The following BCKDHB variants were observed in gnomAD, a reference collection of about 807,000 sequenced individuals.
The protein encoded by BCKDHB is 2-oxoisovalerate dehydrogenase subunit beta, mitochondrial.
A neutral mutation model predicts 48.5 loss-of-function variants in BCKDHB; 41 were observed. That is an observed-to-expected ratio of 0.85 (90% CI 0.66 to 1.10). The LOEUF (loss-of-function observed/expected upper bound fraction) is 1.10, where lower values mean the gene tolerates loss of function less well. Among genes scored for constraint, BCKDHB ranks in the 50% least tolerant of loss-of-function variants. BCKDHB has a pLI of 0.00. For missense variants in BCKDHB, 496 were observed against 494.2 expected, an observed-to-expected ratio of 1.00 and a Z score of -0.03; for synonymous variants, 201 against 174.8, an observed-to-expected ratio of 1.15 and a Z score of -1.18.
chr6:80,168,793 G>T, intron 4 of BCKDHB, 82 bp from the exon 5 acceptor site: 1 of 1,499,054 alleles, frequency 6.7e-7, no homozygotes, highest in Non-Finnish European at 9.3e-7. Flanking sequence ...AAGGAAGGAA[G>T]GGAGGGAGGG....
At chr6:80,133,923 G>A (rs778889887) in intron 3 of BCKDHB, among the ~76,000 whole-genome samples, 1 of 152,124 alleles carries the variant, frequency 6.6e-6, no homozygotes, top group Non-Finnish European at 1.5e-5. Flanking sequence ...GATTACAGGC[G>A]TGAGCCACTG....
the BCKDHB span, among the ~76,000 whole-genome samples, chr6:80,411,143 C>G: frequency 6.6e-6 from 1 of 151,956 alleles, no homozygotes; most frequent in African/African-American, 2.4e-5. Context: ...GTGGATGTCC[C>G]TTTTGTTGAT....
intron 8 of BCKDHB, among the ~76,000 whole-genome samples, chr6:80,251,396 A>G (rs903470164): frequency 2.6e-5 from 4 of 152,220 alleles, no homozygotes; most frequent in African/African-American, 9.6e-5. Flanking sequence ...GGAGGACAGT[A>G]TAAACTTATT....
intron 6 of BCKDHB, among the ~76,000 whole-genome samples, chr6:80,182,712 G>A (rs1472463433): frequency 6.6e-6 from 1 of 152,004 alleles, no homozygotes; most frequent in Non-Finnish European, 1.5e-5. Context: ...GATTTTGTAT[G>A]TGTAACATAA....
the BCKDHB span, among the ~76,000 whole-genome samples, chr6:80,365,853 C>CGGTCCCTCCATTTGG: frequency 1.3e-5 from 2 of 152,168 alleles, no homozygotes; most frequent in African/African-American, 2.4e-5. Context: ...TGGCTCCAGC[C>CGGTCCCTCCATTTGG]GGTCCCTCCA....
At chr6:80,386,870 C>G in the BCKDHB span, among the ~76,000 whole-genome samples, 1 of 152,130 alleles carries the variant, frequency 6.6e-6, no homozygotes, top group African/African-American at 2.4e-5. Context: ...CAATCAATTT[C>G]CAGACTTGAG....
At chr6:80,370,028 C>T in the BCKDHB span, among the ~76,000 whole-genome samples, 2 of 152,056 alleles carry the variant, frequency 1.3e-5, no homozygotes, top group African/African-American at 4.8e-5. Flanking sequence ...ATATCAAAGC[C>T]AATAAAGTAG....
chr6:80,202,681 C>T (rs906399679), intron 7 of BCKDHB, among the ~76,000 whole-genome samples: 5 of 151,928 alleles, frequency 3.3e-5, no homozygotes, highest in African/African-American at 7.2e-5. Flanking sequence ...CTTTTTATCT[C>T]CTTTTTTTCT....
chr6:80,166,518 T>A (rs539665621), intron 3 of BCKDHB, among the ~76,000 whole-genome samples: 37 of 152,010 alleles, frequency 2.4e-4, no homozygotes, highest in African/African-American at 8.7e-4. Context: ...TAGCTGGGTG[T>A]AGTGGTGGGC....
At chr6:80,299,029 T>C (rs147511215) in intron 9 of BCKDHB, among the ~76,000 whole-genome samples, 111 of 151,898 alleles carry the variant, frequency 7.3e-4, no homozygotes, top group African/African-American at 2.6e-3. Flanking sequence ...TAACATCCCA[T>C]AGTGCCAAAC....
At chr6:80,301,413 A>C (rs1245521516) in intron 9 of BCKDHB, among the ~76,000 whole-genome samples, 1 of 152,164 alleles carries the variant, frequency 6.6e-6, no homozygotes. Flanking sequence ...TGTGCACACA[A>C]ACTAGAAAAT....
intron 9 of BCKDHB, among the ~76,000 whole-genome samples, chr6:80,300,495 G>T (rs1767523848): frequency 6.6e-6 from 1 of 152,184 alleles, no homozygotes; most frequent in African/African-American, 2.4e-5. Context: ...CATTGAAGCA[G>T]CCAGTTTCAT....
intron 8 of BCKDHB, among the ~76,000 whole-genome samples, chr6:80,227,233 T>C (rs1775717663): frequency 6.6e-6 from 1 of 152,316 alleles, no homozygotes; most frequent in African/African-American, 2.4e-5. Flanking sequence ...CAGTTTCTTT[T>C]GGAGGAAAGC....
intron 9 of BCKDHB, among the ~76,000 whole-genome samples, chr6:80,293,609 T>C (rs563424829): frequency 6.6e-6 from 1 of 152,358 alleles, no homozygotes; most frequent in South Asian, 2.1e-4. Flanking sequence ...TGGTTAACAT[T>C]GGGCTCCTTA....
intron 6 of BCKDHB, among the ~76,000 whole-genome samples, chr6:80,200,063 C>CAAAAAAAAAAAAA (rs55737130): frequency 3.1e-5 from 1 of 32,774 alleles, no homozygotes. Context: ...GACCCTGTCT[C>CAAAAAAAAAAAAA]AAAAAAAAAA....
intron 6 of BCKDHB, among the ~76,000 whole-genome samples, chr6:80,195,562 CTCT>C (rs1376715111): frequency 6.6e-6 from 1 of 152,136 alleles, no homozygotes; most frequent in Non-Finnish European, 1.5e-5. Flanking sequence ...AAAAGAATAA[CTCT>C]TTTTTTAGCC....
At chr6:80,384,348 CT>C in the BCKDHB span, among the ~76,000 whole-genome samples, 2,284 of 147,534 alleles carry the variant, frequency 0.015, 60 homozygotes, top group African/African-American at 0.051. Flanking sequence ...TCTTCTTCTT[CT>C]TTTTTTTTTT....
the BCKDHB span, among the ~76,000 whole-genome samples, chr6:80,376,573 A>T: frequency 1.3e-5 from 2 of 152,130 alleles, no homozygotes; most frequent in Non-Finnish European, 2.9e-5. Flanking sequence ...TAGTTCTTAG[A>T]GCAAAAGTTC....
chr6:80,243,679 T>G (rs771255395), intron 8 of BCKDHB, among the ~76,000 whole-genome samples: 3 of 152,082 alleles, frequency 2.0e-5, no homozygotes, highest in Non-Finnish European at 1.5e-5. Flanking sequence ...ACCACAGGTG[T>G]GCACTTCTGT....
Sources: allele counts gnomAD v4.1 joint callset (sites outside exome capture counted in the v4.1 genomes callset), GRCh38; gene constraint gnomAD v4.1.1; transcripts MANE v1.5; gene names NCBI Gene and HGNC (gene_info 2026-07-23, HGNC 2026-07-21).